Variants in MISP observed in about 807,000 individuals in gnomAD.
MISP encodes the protein mitotic spindle positioning.
In MISP, 51 loss-of-function variants were observed where a neutral mutation model predicts 49.3. The observed-to-expected ratio is 1.03, with a 90% CI of 0.83 to 1.31. The LOEUF is 1.31. MISP is among the 50% of genes most tolerant of loss of function. The pLI is 0.00. For synonymous variants in MISP, 444 were observed against 392.6 expected (o/e 1.13, Z -1.55); for missense variants, 1,084 against 935.1 (o/e 1.16, Z -2.08).
chr19:754,470 AG>A (rs1414950042), intron 1 of MISP, among the ~76,000 whole-genome samples: 2 of 149,302 alleles, frequency 1.3e-5, no homozygotes, highest in African/African-American at 4.9e-5. Context: ...CTCAAAAAAA[AG>A]AAAAAATTAG....
upstream of MISP, among the ~76,000 whole-genome samples, chr19:749,847 A>T (rs374014022): frequency 7.5e-4 from 112 of 150,068 alleles, no homozygotes; most frequent in African/African-American, 2.4e-3. Context: ...CAAAAAAAGC[A>T]CCCCCCTCCT....
At chr19:759,223 A>G (rs1459713729) in intron 2 of MISP, among the ~76,000 whole-genome samples, 3 of 151,526 alleles carry the variant, frequency 2.0e-5, no homozygotes, top group Non-Finnish European at 4.4e-5. Context: ...AGGTTTCATC[A>G]TGTTGGCCAG....
intron 1 of MISP, among the ~76,000 whole-genome samples, chr19:751,387 G>A (rs183445695): frequency 2.0e-3 from 305 of 152,292 alleles, no homozygotes; most frequent in African/African-American, 6.8e-3. Context: ...GGGGCCTCAA[G>A]GGCACCCACT....
chr19:752,937 G>A (rs1215657903), intron 1 of MISP, among the ~76,000 whole-genome samples: 3 of 152,198 alleles, frequency 2.0e-5, no homozygotes, highest in African/African-American at 4.8e-5. Context: ...CGACCCCCAC[G>A]TCTGAGCAGC....
chr19:751,282 G>C (rs992921188), intron 1 of MISP, 111 bp downstream of exon 1: 3 of 152,232 alleles, frequency 2.0e-5, no homozygotes, highest in Admixed American at 2.0e-4. Flanking sequence ...CTGCTTGCCT[G>C]GCGGCACTTG....
At position 757,319 on chromosome 19, in the gene MISP, C is replaced by A. The variant is rs201623422; in HGVS notation, c.373C>A (p.Arg125Ser). 6.2e-7 allele frequency: 1 copy of A among 1,613,968 alleles called. No homozygotes were observed. Among genetic ancestry groups the A allele is most frequent in the African/African-American group, 1.3e-5 (1 of 75,046 alleles). ...DGEDKEMKTYRLDAGDADPRR... is the reference protein window; with the variant it reads ...DGEDKEMKTYSLDAGDADPRR... ...GGAGGACAAGGAGATGAAGACCTAC[C>A]GCCTGGATGCTGGGGACGCTGACCC... Residue 125 changes from arginine to serine, a missense_variant, in exon 2 of 5, where the codon CGC (arginine) becomes AGC (serine). By Grantham distance (110) the Arg-to-Ser change is moderately radical. Transcript: ENST00000215582.
intron 4 of MISP, 41 bp downstream of exon 4, chr19:761,704 CCCA>C (rs778215024): frequency 1.2e-6 from 2 of 1,611,738 alleles, no homozygotes; most frequent in African/African-American, 1.3e-5. Context: ...GTCTTTCCCC[CCCA>C]CATCTGTGCC....
In MISP at chr19:757,350, G is replaced by C. The variant is rs1222999206; in HGVS notation, c.404G>C (p.Arg135Thr). 2 of 1,613,756 alleles carry C rather than the reference G, an allele frequency of 1.2e-6. No homozygotes were observed. Among genetic ancestry groups the C allele is most frequent in the Non-Finnish European group, 1.7e-6 (2 of 1,179,880 alleles). The change falls in exon 2 of 5, where the codon AGG becomes ACG. Residue 135 changes from arginine (R) to threonine (T), a missense_variant. Transcript: ENST00000215582. ...GATGCTGGGGACGCTGACCCCAGGA[G>C]GCTGTGTGACCTGGAGCGGGAGCGC... is the stretch of plus-strand genomic sequence containing the variant. Reference protein sequence around the residue: ...RLDAGDADPRRLCDLERERWA... With the variant: ...RLDAGDADPRTLCDLERERWA...
rs1180567194 is a variant in MISP, at chr19:757,991, C to G, written c.1045C>G (p.Leu349Val). 2 of 1,577,690 alleles carry G rather than the reference C, an allele frequency of 1.3e-6. No homozygotes were observed. The highest frequency in any genetic ancestry group is 1.3e-5 in the African/African-American group (1 of 74,292). The change falls in exon 2 of 5, where the codon CTC becomes GTC. Residue 349 changes from leucine to valine, a missense_variant. Transcript: ENST00000215582. ...APRRERGRPS[L>V]YVQRDIVQET... Reference sequence around the variant, plus strand: ...ACGGCGGGAGAGAGGGCGCCCGTCCCTCTACGTGCAGCGGGACATAGTACA... The same window carrying G: ...ACGGCGGGAGAGAGGGCGCCCGTCCGTCTACGTGCAGCGGGACATAGTACA...
intron 1 of MISP, among the ~76,000 whole-genome samples, chr19:751,807 T>C (rs979223333): frequency 2.0e-5 from 3 of 152,076 alleles, no homozygotes; most frequent in African/African-American, 7.2e-5. Flanking sequence ...GGAGCTGAGA[T>C]GACTCAAGGG....
Position 757,771 on chromosome 19 carries a change from CCCT to C in MISP, c.826_828del (p.Pro276del). On this transcript the variant is annotated inframe_deletion, in exon 2 of 5. Transcript: ENST00000215582. Reference sequence around the variant, plus strand: ...GGGCCAGTGTCCAAGTTGTGGATGACCCTGGCTCCTTGGCCTCAGTGGAGTCCC... The same window carrying C: ...GGGCCAGTGTCCAAGTTGTGGATGACGGCTCCTTGGCCTCAGTGGAGTCCC... The C allele has an allele frequency of 1.2e-6, 2 of 1,613,368 alleles. No homozygotes were observed. Among genetic ancestry groups the C allele is most frequent in the South Asian group, 2.2e-5 (2 of 91,054 alleles).
Position 758,358 on chromosome 19 carries a change from C to G in MISP, c.1412C>G (p.Ser471Ter). 6.2e-7 allele frequency: 1 copy of G among 1,614,194 alleles called. No homozygotes were observed. Among genetic ancestry groups the G allele is most frequent in the Non-Finnish European group, 8.5e-7 (1 of 1,180,038 alleles). ...PKATMSPRHL[S>*]ESSGKPLSTK... is the part of the protein sequence containing the mutation. The stretch of plus-strand genomic sequence containing the variant: ...GCCACGATGTCCCCGAGGCATCTCT[C>G]AGAATCCTCTGGAAAACCCCTGAGC... Residue 471 changes from serine (S) to a stop codon, truncating the protein, a stop_gained, in exon 2 of 5, where the codon TCA becomes TGA. Transcript: ENST00000215582. LOFTEE classifies it high-confidence loss of function.
Position 757,555 on chromosome 19 carries a change from GGA to G in MISP, c.611_612del (p.Glu204AlafsTer9). 1 of 1,612,846 alleles carries G rather than the reference GGA, an allele frequency of 6.2e-7. No homozygotes were observed. The highest frequency in any genetic ancestry group is 8.5e-7 in the Non-Finnish European group (1 of 1,179,658). The part of the protein sequence containing the change: ...LAARQQFLSL[E>X]QANKGAPHSS... ...CAGCGAGACAGCAGTTCCTGAGTCTGGAGCAGGCGAACAAGGGGGCCCCTCAT... is the reference window on the plus strand; with the variant it reads ...CAGCGAGACAGCAGTTCCTGAGTCTGGCAGGCGAACAAGGGGGCCCCTCAT... On this transcript the variant is annotated frameshift_variant, in exon 2 of 5. Coordinates refer to ENST00000215582, the MANE Select transcript of MISP (RefSeq NM_173481.4). LOFTEE classifies it high-confidence loss of function.
In MISP at chr19:758,372, A is replaced by G. The variant is rs190920819; in HGVS notation, c.1426A>G (p.Lys476Glu). Residue 476 changes from lysine (K) to glutamate (E), a missense_variant, in exon 2 of 5, where the codon AAA (lysine) becomes GAA (glutamate). Physicochemically the swap from Lys to Glu is moderately conservative, Grantham distance 56. Transcript: ENST00000215582. ...GAGGCATCTCTCAGAATCCTCTGGA[A>G]AACCCCTGAGCACAAAGCAAGAGGC... ...SPRHLSESSG[K>E]PLSTKQEASK... The G allele has an allele frequency of 6.2e-7, 1 of 1,614,178 alleles. No homozygotes were observed. Among genetic ancestry groups the G allele is most frequent in the African/African-American group, 1.3e-5 (1 of 75,070 alleles).
At chr19:763,368 G>C (rs2033705311) in intron 4 of MISP, 133 bp from the exon 5 acceptor site, 4 of 652,156 alleles carry the variant, frequency 6.1e-6, no homozygotes, top group Non-Finnish European at 1.1e-5. Flanking sequence ...ACTAGGAGTA[G>C]AGGGTCTGAA....
intron 1 of MISP, among the ~76,000 whole-genome samples, chr19:752,667 T>C (rs1187173378): frequency 1.4e-5 from 2 of 141,412 alleles, no homozygotes; most frequent in African/African-American, 5.4e-5. Context: ...CAGAGGAGGA[T>C]GCGTGCCTTC....
chr19:754,613 C>G (rs1435897693), intron 1 of MISP, among the ~76,000 whole-genome samples: 1 of 152,194 alleles, frequency 6.6e-6, no homozygotes. Context: ...TGCATCGCAG[C>G]GAGACTCTGT....
At chr19:760,774 G>A (rs964032478) in intron 3 of MISP, among the ~76,000 whole-genome samples, 25 of 152,020 alleles carry the variant, frequency 1.6e-4, no homozygotes, top group African/African-American at 5.8e-4. Context: ...GAGGGAGAGG[G>A]AGAGACGGAG....
In MISP at chr19:763,622, G is replaced by A. The variant is rs1229865388; in HGVS notation, c.*32G>A. 5 of 1,528,734 alleles carry A rather than the reference G, an allele frequency of 3.3e-6. No individual in the cohort carries two copies. Among genetic ancestry groups the A allele is most frequent in the African/African-American group, 1.4e-5 (1 of 73,222 alleles). 94.7% of individuals were successfully genotyped at this position (1,528,734 alleles called of 1,614,324 possible). A position where few individuals can be genotyped will look rare whatever the true frequency, so the allele number is the denominator to read the frequency against. On this transcript the variant is annotated 3_prime_UTR_variant, in exon 5 of 5. Coordinates refer to ENST00000215582, the MANE Select transcript of MISP (RefSeq NM_173481.4). ...GGATGGGGCGCCCACCCCCTGCCCTGCCCTGACCCTCGTGGGAACTGCCAA... is the reference window on the plus strand; with the variant it reads ...GGATGGGGCGCCCACCCCCTGCCCTACCCTGACCCTCGTGGGAACTGCCAA...
Sources: gnomAD v4.1 joint callset for allele counts (sites outside exome capture counted in the v4.1 genomes callset) on GRCh38, gnomAD v4.1.1 for gene constraint, MANE v1.5 for transcripts, NCBI Gene and HGNC (gene_info 2026-07-23, HGNC 2026-07-21) for gene names.